FRMPD1: variants seen among roughly 807,000 people sequenced by gnomAD.
FRMPD1 encodes the protein FERM and PDZ domain-containing protein 1.
In FRMPD1, 76 loss-of-function variants were observed where a neutral mutation model predicts 117.8. The observed-to-expected ratio is 0.65, with a 90% confidence interval of 0.54 to 0.78. The LOEUF is 0.78. Among genes scored for constraint, FRMPD1 ranks in the 30% least tolerant of loss-of-function variants. The pLI is 0.00. For missense variants in FRMPD1, 1,786 were observed against 1,964.5 expected (o/e 0.91, Z 1.72); for synonymous variants, 783 against 770.4 (o/e 1.02, Z -0.27).
rs766220774 is a variant in FRMPD1, at chr9:37,746,341, G to C, written c.4309G>C (p.Glu1437Gln). The C allele has an allele frequency of 6.2e-7, 1 of 1,612,526 alleles. No homozygotes were observed. The highest frequency in any genetic ancestry group is 1.3e-5 in the African/African-American group (1 of 74,918). The change falls in exon 16 of 16, where the codon GAA becomes CAA. Residue 1437 changes from glutamate to glutamine, a missense_variant. Glu to Gln is a conservative substitution (Grantham distance 29). Transcript: ENST00000377765. ...CTTGCTGGAGCTACAAGACATTTTA[G>C]AAACTTCCTGGGGGGTTGGAAACAA... ...ESLLELQDIL[E>Q]TSWGVGNKHP... is the part of the protein sequence containing the mutation.
In FRMPD1 at chr9:37,679,000, C is replaced by T. The variant is rs373797613; in HGVS notation, c.-4-13638C>T. 1.2e-3 allele frequency among the ~76,000 whole-genome samples: 181 copies of T among 152,340 alleles called. 1 individual carries two copies. Among genetic ancestry groups the T allele is most frequent in the South Asian group, 0.011 (54 of 4,828 alleles). On this transcript the variant is annotated intron_variant, in intron 1 of 15. Transcript: ENST00000377765. ...TCTGGCATGGAGAAGCCTCTAATCT[C>T]GGTGCTCCCCTGACCTAGAGGTGAT...
At chr9:37,636,494 T>G in the FRMPD1 span, among the ~76,000 whole-genome samples, 1 of 152,024 alleles carries the variant, frequency 6.6e-6, no homozygotes, top group African/African-American at 2.4e-5. Context: ...GTCCTGAGTG[T>G]CCTCCCTTAG....
intron 6 of FRMPD1, among the ~76,000 whole-genome samples, chr9:37,719,883 TA>T (rs1335191428): frequency 7.9e-5 from 12 of 152,246 alleles, no homozygotes; most frequent in Non-Finnish European, 1.8e-4. Context: ...GAGTGTTGGA[TA>T]AAAGGCTCAT....
At position 37,717,382 on chromosome 9, in the gene FRMPD1, T is replaced by TATATATA. The variant is rs1491339188; in HGVS notation, c.409-1687_409-1686insATATATA. Among the ~76,000 whole-genome samples the TATATATA allele has an allele frequency of 3.1e-3, 270 of 86,558 alleles. 1 individual carries two copies. The Middle Eastern group carries it at 0.032, about 10-fold the overall frequency. 56.8% of individuals were successfully genotyped at this position (86,558 alleles called of 152,430 possible). On this transcript the variant is annotated intron_variant, in intron 5 of 15. Transcript: ENST00000377765. ...GTGTGTGTGTGTGTATATATATATA[T>TATATATA]TTTTTTTTTTTTTTTGAGATGTAGT... is the stretch of plus-strand genomic sequence containing the variant.
rs1822180210 is a variant in FRMPD1, at chr9:37,692,626, T to C, written c.-4-12T>C. On this transcript the variant is annotated splice_polypyrimidine_tract_variant and intron_variant, in intron 1 of 15. Transcript: ENST00000377765. The stretch of plus-strand genomic sequence containing the variant: ...TTGGTTAGCATCTTAAGAACACTCT[T>C]CTTCCTTTTAGGTAAATGGAAGAGC... 1 of 1,552,538 alleles carries C rather than the reference T, an allele frequency of 6.4e-7. No homozygotes were observed. Among genetic ancestry groups the C allele is most frequent in the African/African-American group, 1.4e-5 (1 of 73,788 alleles).
intron 7 of FRMPD1, among the ~76,000 whole-genome samples, chr9:37,728,595 G>C (rs778322151): frequency 1.3e-5 from 2 of 152,114 alleles, no homozygotes; most frequent in South Asian, 4.1e-4. Context: ...CAACCATTCC[G>C]TCCTGTCAGC....
chr9:37,671,582 G>A lies in FRMPD1; in HGVS notation c.-5+20488G>A, dbSNP rs537329002. On this transcript the variant is annotated intron_variant, in intron 1 of 15. Coordinates refer to ENST00000377765, the MANE Select transcript of FRMPD1 (RefSeq NM_014907.3). ...ACAAGTAAATAGTCAAATATAGTCTGAGAGAGGGAAAATACTGGGTACTGT... is the reference window on the plus strand; with the variant it reads ...ACAAGTAAATAGTCAAATATAGTCTAAGAGAGGGAAAATACTGGGTACTGT... Among the ~76,000 whole-genome samples the A allele has an allele frequency of 2.2e-3, 342 of 152,304 alleles. 1 individual carries two copies. The highest frequency in any genetic ancestry group is 2.1e-3 in the Non-Finnish European group (142 of 68,036).
At position 37,651,067 on chromosome 9, in the gene FRMPD1, G is replaced by C. The variant is rs1450373281; in HGVS notation, c.-32G>C. The stretch of plus-strand genomic sequence containing the variant: ...GAGAGCGTCAGCCCGCTAGGTCCTT[G>C]TCCGCGCGGGCGGCACCTCCTCTGC... On this transcript the variant is annotated 5_prime_UTR_variant, in exon 1 of 16. Coordinates refer to ENST00000377765, the MANE Select transcript of FRMPD1 (RefSeq NM_014907.3). The C allele has an allele frequency of 6.6e-6, 1 of 152,214 alleles. No homozygotes were observed. Among genetic ancestry groups the C allele is most frequent in the East Asian group, 1.9e-4 (1 of 5,182 alleles). 9.4% of individuals were successfully genotyped at this position (152,214 alleles called of 1,614,324 possible). A position where few individuals can be genotyped will look rare whatever the true frequency, so the allele number is the denominator to read the frequency against.
chr9:37,679,389 T>C (rs1283579641), intron 1 of FRMPD1, among the ~76,000 whole-genome samples: 1 of 152,246 alleles, frequency 6.6e-6, no homozygotes, highest in Non-Finnish European at 1.5e-5. Flanking sequence ...TCATATACCA[T>C]GCAATTTACT....
intron 1 of FRMPD1, among the ~76,000 whole-genome samples, chr9:37,657,695 C>A (rs952053703): frequency 1.3e-5 from 2 of 152,198 alleles, no homozygotes; most frequent in African/African-American, 4.8e-5. Context: ...GCAAAAACTG[C>A]GTAATAAGTG....
intron 1 of FRMPD1, among the ~76,000 whole-genome samples, chr9:37,682,914 TTTAAA>T (rs1434759806): frequency 6.6e-6 from 1 of 152,244 alleles, no homozygotes; most frequent in African/African-American, 2.4e-5. Flanking sequence ...AAATTGACCC[TTTAAA>T]TTATACGATT....
the FRMPD1 span, among the ~76,000 whole-genome samples, chr9:37,615,252 A>G: frequency 4.7e-4 from 71 of 152,122 alleles, no homozygotes; most frequent in African/African-American, 1.2e-3. Flanking sequence ...AGCTGGGACC[A>G]CAGGCATACC....
the FRMPD1 span, chr9:37,637,291 C>A: frequency 6.6e-7 from 1 of 1,513,944 alleles, no homozygotes; most frequent in Non-Finnish European, 9.2e-7. Flanking sequence ...ATCCGGGGTT[C>A]ATGGCGGCGG....
At chr9:37,664,227 C>T (rs1420517209) in intron 1 of FRMPD1, among the ~76,000 whole-genome samples, 3 of 151,726 alleles carry the variant, frequency 2.0e-5, no homozygotes, top group African/African-American at 7.3e-5. Context: ...CTGGGCTGCC[C>T]TTGGTGGTGG....
chr9:37,705,033 A>C (rs776444032), intron 2 of FRMPD1, among the ~76,000 whole-genome samples: 4 of 152,078 alleles, frequency 2.6e-5, no homozygotes, highest in Non-Finnish European at 5.9e-5. Context: ...GCATTCACTC[A>C]TTAAGAATGC....
intron 1 of FRMPD1, among the ~76,000 whole-genome samples, chr9:37,681,568 G>A (rs931353814): frequency 6.6e-6 from 1 of 152,178 alleles, no homozygotes. Flanking sequence ...CTATGATCAC[G>A]GTAATGAACC....
At chr9:37,722,871 G>T (rs1823458254) in intron 6 of FRMPD1, among the ~76,000 whole-genome samples, 1 of 151,444 alleles carries the variant, frequency 6.6e-6, no homozygotes. Context: ...CTGGTGTGCT[G>T]CACCTATTAA....
At position 37,654,592 on chromosome 9, in the gene FRMPD1, G is replaced by C. The variant is rs144377719; in HGVS notation, c.-5+3498G>C. On this transcript the variant is annotated intron_variant, in intron 1 of 15. Coordinates refer to ENST00000377765, the MANE Select transcript of FRMPD1 (RefSeq NM_014907.3). ...GGGTTGTTGGATAACTGAATGAGTC[G>C]ATACATGTAAAGTACTTAGAATAGT... 2.1e-3 allele frequency among the ~76,000 whole-genome samples: 316 copies of C among 152,306 alleles called. 2 individuals carry two copies. The highest frequency in any genetic ancestry group is 7.4e-3 in the African/African-American group (307 of 41,554).
the FRMPD1 span, among the ~76,000 whole-genome samples, chr9:37,626,713 C>T: frequency 2.7e-5 from 4 of 148,150 alleles, no homozygotes; most frequent in Admixed American, 1.4e-4. Context: ...CACCTGAGCC[C>T]AGGTGATAGA....
Sources: allele counts gnomAD v4.1 joint callset (sites outside exome capture counted in the v4.1 genomes callset), GRCh38; gene constraint gnomAD v4.1.1; transcripts MANE v1.5; gene names NCBI Gene and HGNC (gene_info 2026-07-23, HGNC 2026-07-21).